PDE1A: variants seen among roughly 807,000 people sequenced by gnomAD.
The protein encoded by PDE1A is phosphodiesterase 1A.
Under a neutral mutation model 61.7 loss-of-function variants are expected in PDE1A, and 35 were observed. The observed-to-expected ratio is 0.57, with a 90% confidence interval of 0.43 to 0.75. The LOEUF is 0.75. PDE1A is among the 30% of genes least tolerant of loss of function. The pLI is 0.00. For missense variants in PDE1A, 597 were observed against 630.6 expected (o/e 0.95, Z 0.57); for synonymous variants, 232 against 213.2 (o/e 1.09, Z -0.77).
chr2:182,282,681 T>C (rs530651051), intron 1 of PDE1A, among the ~76,000 whole-genome samples: 1 of 152,182 alleles, frequency 6.6e-6, no homozygotes, highest in African/African-American at 2.4e-5. Context: ...ATTATTTTCC[T>C]ACATACACCA....
chr2:182,675,487 G>A, the PDE1A span, among the ~76,000 whole-genome samples: 1 of 152,076 alleles, frequency 6.6e-6, no homozygotes, highest in African/African-American at 2.4e-5. Flanking sequence ...TGAGATTGCT[G>A]GGTCAAATGG....
intron 1 of PDE1A, among the ~76,000 whole-genome samples, chr2:182,380,197 G>A (rs1332761087): frequency 2.2e-5 from 3 of 137,514 alleles, no homozygotes; most frequent in Admixed American, 8.3e-5. Context: ...TGCAAGCTCC[G>A]CCTCCTGGGT....
chr2:182,558,949 C>T, the PDE1A span, among the ~76,000 whole-genome samples: 1 of 152,098 alleles, frequency 6.6e-6, no homozygotes, highest in Non-Finnish European at 1.5e-5. Flanking sequence ...CTCCTCCTTG[C>T]CAGGAAACAT....
At chr2:182,340,904 T>TA (rs1698141095) in intron 1 of PDE1A, among the ~76,000 whole-genome samples, 1 of 152,192 alleles carries the variant, frequency 6.6e-6, no homozygotes, top group African/African-American at 2.4e-5. Context: ...TTCTCATTTG[T>TA]AAAATGGAGA....
chr2:182,688,716 G>T, the PDE1A span, among the ~76,000 whole-genome samples: 7 of 152,088 alleles, frequency 4.6e-5, no homozygotes, highest in African/African-American at 1.7e-4. Context: ...ATGCTCCAAT[G>T]AAAAGACACA....
rs1016969450 is a variant in PDE1A at position 182,471,745 on chromosome 2, T to A, written c.101+50531A>T. On this transcript the variant is annotated intron_variant, in intron 2 of 14. Coordinates refer to the PDE1A transcript ENST00000410103. The stretch of plus-strand genomic sequence containing the variant: ...GTCAATGGTTCAGCAATACGGTGGC[T>A]AAAAGAGTTTCATAAGACACTCTTC... Among the ~76,000 whole-genome samples, 6 of 151,784 alleles carry A rather than the reference T, an allele frequency of 4.0e-5. No homozygotes were observed. In the East Asian group the frequency reaches 1.2e-3, roughly 29 times the overall value.
chr2:182,559,882 T>C, the PDE1A span, among the ~76,000 whole-genome samples: 1 of 152,130 alleles, frequency 6.6e-6, no homozygotes, highest in Non-Finnish European at 1.5e-5. Context: ...ATGCTTTGAA[T>C]GAATCCATTT....
the PDE1A span, among the ~76,000 whole-genome samples, chr2:182,690,281 T>C: frequency 2.0e-5 from 3 of 152,132 alleles, no homozygotes; most frequent in South Asian, 6.2e-4. Flanking sequence ...AAATCCTCAA[T>C]AAAATACTGG....
At chr2:182,522,559 C>A in intron 1 of PDE1A, 1 of 1,405,672 alleles carries the variant, frequency 7.1e-7, no homozygotes, top group Non-Finnish European at 9.3e-7. Flanking sequence ...GGCATATATC[C>A]ACTGCTCACC....
intron 2 of PDE1A, among the ~76,000 whole-genome samples, chr2:182,242,846 T>C (rs531922489): frequency 6.6e-6 from 1 of 151,636 alleles, no homozygotes; most frequent in South Asian, 2.1e-4. Flanking sequence ...TTCCTTAAAA[T>C]ACGTATCTCG....
chr2:182,151,823 G>A (rs754557068), intron 13 of PDE1A, among the ~76,000 whole-genome samples: 19 of 152,112 alleles, frequency 1.2e-4, no homozygotes, highest in Non-Finnish European at 1.9e-4. Context: ...TTTTGCACTC[G>A]TTATTTTTGA....
At chr2:182,549,569 GA>G in the PDE1A span, among the ~76,000 whole-genome samples, 1 of 152,070 alleles carries the variant, frequency 6.6e-6, no homozygotes, top group Admixed American at 6.6e-5. Context: ...ACTTAAATAG[GA>G]AACAAATGCC....
intron 1 of PDE1A, among the ~76,000 whole-genome samples, chr2:182,269,093 A>G (rs760344752): frequency 6.6e-6 from 1 of 152,222 alleles, no homozygotes; most frequent in Non-Finnish European, 1.5e-5. Context: ...AAACAACATT[A>G]TGCCAATAAA....
At chr2:182,586,276 G>A in the PDE1A span, among the ~76,000 whole-genome samples, 1 of 152,046 alleles carries the variant, frequency 6.6e-6, no homozygotes, top group South Asian at 2.1e-4. Flanking sequence ...AACTAGAAGG[G>A]ATAAGAAAAG....
upstream of PDE1A, among the ~76,000 whole-genome samples, chr2:182,431,505 G>T (rs958396993): frequency 1.3e-5 from 2 of 152,062 alleles, no homozygotes; most frequent in Middle Eastern, 3.2e-3. Context: ...TAACTTTACC[G>T]CTTTACCTCT....
chr2:182,209,477 T>C (rs1172840643), intron 7 of PDE1A, among the ~76,000 whole-genome samples: 1 of 151,502 alleles, frequency 6.6e-6, no homozygotes, highest in Non-Finnish European at 1.5e-5. Flanking sequence ...TTGATTACAA[T>C]TCAACATGAG....
intron 2 of PDE1A, among the ~76,000 whole-genome samples, chr2:182,448,404 T>C (rs1416524158): frequency 6.6e-6 from 1 of 152,084 alleles, no homozygotes; most frequent in Non-Finnish European, 1.5e-5. Flanking sequence ...AATTATTCTT[T>C]TAACTTATGT....
the PDE1A span, among the ~76,000 whole-genome samples, chr2:182,555,855 T>G: frequency 2.1e-4 from 32 of 148,930 alleles, no homozygotes; most frequent in Non-Finnish European, 4.7e-4. Flanking sequence ...CAATCCCGGC[T>G]ACTCAGGAGG....
At chr2:182,601,568 G>A in the PDE1A span, among the ~76,000 whole-genome samples, 1 of 152,214 alleles carries the variant, frequency 6.6e-6, no homozygotes, top group Non-Finnish European at 1.5e-5. Context: ...TGACCAGGAA[G>A]AATGAGGCAC....
Sources: gnomAD v4.1 joint callset for allele counts (sites outside exome capture counted in the v4.1 genomes callset) on GRCh38, gnomAD v4.1.1 for gene constraint, MANE v1.5 for transcripts, NCBI Gene and HGNC (gene_info 2026-07-23, HGNC 2026-07-21) for gene names.